CNTLN: variants seen among roughly 807,000 people sequenced by gnomAD.
The protein encoded by CNTLN is centlein, centrosomal protein.
A neutral mutation model predicts 180.0 loss-of-function variants in CNTLN; 212 were observed. The ratio of observed to expected loss-of-function variants is 1.18; its 90% CI spans 1.05 to 1.32. CNTLN has a LOEUF of 1.32. Among genes scored for constraint, CNTLN ranks in the 40% most tolerant of loss-of-function variants. The pLI, the probability that CNTLN is intolerant of heterozygous loss-of-function variation, is 0.00. For synonymous variants in CNTLN, 722 were observed against 563.1 expected (o/e 1.28, Z -3.99); for missense variants, 2,095 against 1,610.9 (o/e 1.30, Z -5.14).
At chr9:17,279,836 T>TTTAAGAG (rs1828554720) in intron 6 of CNTLN, among the ~76,000 whole-genome samples, 1 of 152,332 alleles carries the variant, frequency 6.6e-6, no homozygotes, top group South Asian at 2.1e-4. Context: ...CATTGGGCTC[T>TTTAAGAG]GCCTTCATGA....
At chr9:17,355,025 C>G (rs138073914) in intron 12 of CNTLN, among the ~76,000 whole-genome samples, 1 of 151,778 alleles carries the variant, frequency 6.6e-6, no homozygotes, top group Non-Finnish European at 1.5e-5. Flanking sequence ...AGCGAGACCA[C>G]GAACCCACCA....
Position 17,312,553 on chromosome 9 carries a change from A to AT in CNTLN, c.1341+3324dup, listed in dbSNP as rs56915301. Among the ~76,000 whole-genome samples, 352 of 100,384 alleles carry AT rather than the reference A, an allele frequency of 3.5e-3. 1 individual carries two copies. The highest frequency in any genetic ancestry group is 0.013 in the South Asian group (36 of 2,880). 65.9% of individuals were successfully genotyped at this position (100,384 alleles called of 152,430 possible). ...AGGTGCCCGCCACCAAGCCCGGCTAATTTTTTTTTTTTTTTTTTTTTTTGT... is the reference window on the plus strand; with the variant it reads ...AGGTGCCCGCCACCAAGCCCGGCTAATTTTTTTTTTTTTTTTTTTTTTTTGT... On this transcript the variant is annotated intron_variant, in intron 8 of 25. Transcript: ENST00000380647.
chr9:17,380,384 G>A (rs1401974849), intron 13 of CNTLN, among the ~76,000 whole-genome samples: 6 of 152,180 alleles, frequency 3.9e-5, no homozygotes, highest in South Asian at 2.1e-4. Context: ...CTCAGCCAAA[G>A]GCCCCCAATA....
chr9:17,184,626 A>G (rs1279389742), intron 2 of CNTLN, among the ~76,000 whole-genome samples: 1 of 152,208 alleles, frequency 6.6e-6, no homozygotes, highest in Non-Finnish European at 1.5e-5. Flanking sequence ...TCGTGACTAC[A>G]GTTGCCATTG....
chr9:17,203,168 C>T (rs931633869), intron 2 of CNTLN, among the ~76,000 whole-genome samples: 5 of 152,170 alleles, frequency 3.3e-5, no homozygotes, highest in Admixed American at 2.6e-4. Flanking sequence ...TTGGTCTTCA[C>T]TCTGTTCTGG....
Position 17,432,216 on chromosome 9 carries a change from A to G in CNTLN, c.3114+16027A>G, listed in dbSNP as rs150835905. On this transcript the variant is annotated intron_variant, in intron 18 of 25. Transcript: ENST00000380647. ...CTAAAAAAACAAAAAACAAAAAACAAAATCCTTCAATGGAATGAATGAATG... is the reference window on the plus strand; with the variant it reads ...CTAAAAAAACAAAAAACAAAAAACAGAATCCTTCAATGGAATGAATGAATG... Among the ~76,000 whole-genome samples, 66 of 152,330 alleles carry G rather than the reference A, an allele frequency of 4.3e-4. 1 individual carries two copies. Among genetic ancestry groups the G allele is most frequent in the African/African-American group, 1.5e-3 (62 of 41,572 alleles).
chr9:17,418,849 A>G (rs1463418781), intron 18 of CNTLN, among the ~76,000 whole-genome samples: 2 of 152,050 alleles, frequency 1.3e-5, no homozygotes, highest in Non-Finnish European at 2.9e-5. Context: ...CTTTTCAAAG[A>G]CTTTCAACTT....
chr9:17,177,858 G>T (rs1374622797), intron 2 of CNTLN, among the ~76,000 whole-genome samples: 1 of 152,078 alleles, frequency 6.6e-6, no homozygotes, highest in East Asian at 1.9e-4. Context: ...GACCTGAATG[G>T]GTTGCCACTG....
intron 18 of CNTLN, among the ~76,000 whole-genome samples, chr9:17,450,481 CTTA>C (rs1830719203): frequency 6.6e-6 from 1 of 152,186 alleles, no homozygotes; most frequent in African/African-American, 2.4e-5. Context: ...AACTTTTCTG[CTTA>C]TTATTCATGC....
chr9:17,149,500 TTTTC>T (rs1818696379), intron 2 of CNTLN, among the ~76,000 whole-genome samples: 1 of 149,600 alleles, frequency 6.7e-6, no homozygotes, highest in Non-Finnish European at 1.5e-5. Context: ...ACTTTTTTTA[TTTTC>T]TTTCTTTCTT....
intron 18 of CNTLN, among the ~76,000 whole-genome samples, chr9:17,450,436 C>T (rs545103489): frequency 4.7e-4 from 72 of 152,226 alleles, no homozygotes; most frequent in African/African-American, 1.7e-3. Context: ...CCTCTGACAC[C>T]TATGTATGGC....
At chr9:17,181,046 T>A (rs963872875) in intron 2 of CNTLN, among the ~76,000 whole-genome samples, 54 of 152,216 alleles carry the variant, frequency 3.5e-4, no homozygotes, top group African/African-American at 1.3e-3. Context: ...GAGATTATTG[T>A]GTTCGGGTTT....
At chr9:17,413,525 C>G (rs538904117) in intron 16 of CNTLN, among the ~76,000 whole-genome samples, 50 of 152,208 alleles carry the variant, frequency 3.3e-4, no homozygotes, top group African/African-American at 1.2e-3. Context: ...TGACAAAAGT[C>G]TCATAGCTTG....
intron 5 of CNTLN, among the ~76,000 whole-genome samples, chr9:17,242,799 T>A (rs1382440950): frequency 1.3e-5 from 2 of 152,238 alleles, no homozygotes; most frequent in Non-Finnish European, 2.9e-5. Flanking sequence ...AATATTGGCC[T>A]GTAGTTTCCT....
In CNTLN at chr9:17,210,951, A is replaced by G. The variant is rs565609468; in HGVS notation, c.450-15252A>G. Among the ~76,000 whole-genome samples the G allele has an allele frequency of 3.5e-3, 532 of 152,214 alleles. 6 individuals carry two copies. The highest frequency in any genetic ancestry group is 0.012 in the African/African-American group (494 of 41,516). On this transcript the variant is annotated intron_variant, in intron 2 of 25. Coordinates refer to ENST00000380647, the MANE Select transcript of CNTLN (RefSeq NM_017738.4). ...TTTGAGTTCATTGTAGATTCTGGAT[A>G]TTACCCCTTTGTCAGATGAGTAGGT...
intron 2 of CNTLN, among the ~76,000 whole-genome samples, chr9:17,148,085 A>C (rs939894142): frequency 6.6e-6 from 1 of 152,232 alleles, no homozygotes; most frequent in African/African-American, 2.4e-5. Flanking sequence ...GCAAAGACAG[A>C]GAGAATACAT....
chr9:17,484,026 T>A (rs1832776502), intron 23 of CNTLN, among the ~76,000 whole-genome samples: 1 of 152,154 alleles, frequency 6.6e-6, no homozygotes, highest in Non-Finnish European at 1.5e-5. Context: ...GCTGTAAGCA[T>A]TCACCAAGCA....
chr9:17,448,117 C>T (rs192714198), intron 18 of CNTLN: 204 of 199,672 alleles, frequency 1.0e-3, no homozygotes, highest in African/African-American at 4.4e-3. Flanking sequence ...TACCGTACTC[C>T]CTTCATTGTT....
chr9:17,416,309 C>A (rs1396377452), intron 18 of CNTLN, 120 bp downstream of exon 18: 3 of 779,328 alleles, frequency 3.8e-6, no homozygotes, highest in Non-Finnish European at 3.9e-6. Flanking sequence ...TAAAAAATCC[C>A]AGGCACTGTT....
Sources: gnomAD v4.1 joint callset for allele counts (sites outside exome capture counted in the v4.1 genomes callset) on GRCh38, gnomAD v4.1.1 for gene constraint, MANE v1.5 for transcripts, NCBI Gene and HGNC (gene_info 2026-07-23, HGNC 2026-07-21) for gene names.